The following MTIF2 variants were observed in gnomAD, a reference collection of about 807,000 sequenced individuals.
The protein encoded by MTIF2 is translation initiation factor IF-2, mitochondrial.
Under a neutral mutation model 83.5 loss-of-function variants are expected in MTIF2, and 71 were observed. The observed-to-expected ratio is 0.85, with a 90% CI of 0.70 to 1.04. MTIF2 has a LOEUF of 1.04. MTIF2 is among the 50% of genes least tolerant of loss of function. MTIF2 has a pLI of 0.00. For missense variants in MTIF2, 957 were observed against 846.5 expected (o/e 1.13, Z -1.62); for synonymous variants, 319 against 287.1 (o/e 1.11, Z -1.12).
Position 55,261,049 on chromosome 2 carries a change from C to T in MTIF2, c.331+1267G>A, listed in dbSNP as rs1024564047. Among the ~76,000 whole-genome samples the T allele has an allele frequency of 5.3e-5, 8 of 151,464 alleles. No individual in the cohort carries two copies. In the East Asian group the frequency reaches 1.6e-3, roughly 30 times the overall value. ...TCGTCCAGGGTAGAGTGCAGTGGCG[C>T]GATCTCGGCTCACTGCAAGCTCCGC... is the stretch of plus-strand genomic sequence containing the variant. On this transcript the variant is annotated intron_variant, in intron 5 of 15. Coordinates refer to ENST00000263629, the MANE Select transcript of MTIF2 (RefSeq NM_002453.3).
rs776497065 is a variant in MTIF2 at position 55,236,794 on chromosome 2, T to G, written c.2038A>C (p.Lys680Gln). The G allele has an allele frequency of 6.2e-7, 1 of 1,606,604 alleles. No homozygotes were observed. Among genetic ancestry groups the G allele is most frequent in the Non-Finnish European group, 8.5e-7 (1 of 1,178,202 alleles). ...KGSLTSLKHH[K>Q]DDISIVKTGM... ...GTTTTGACAATTGAAATGTCATCTT[T>G]ATGGTGTTTCAATGAGGTTAATGAG... The change falls in exon 16 of 16, where the codon AAA (lysine) becomes CAA (glutamine). Residue 680 changes from lysine to glutamine, a missense_variant. By Grantham distance (53) the Lys-to-Gln change is moderately conservative. This residue lies in a region of MTIF2 where 221 missense variants were observed against 180.6 expected (regional missense o/e 1.22). Coordinates refer to ENST00000263629, the MANE Select transcript of MTIF2 (RefSeq NM_002453.3).
Position 55,236,732 on chromosome 2 carries a change from ATTGTC to A in MTIF2, c.2095_2099del (p.Asp699TyrfsTer13), listed in dbSNP as rs750699822. 2.5e-6 allele frequency: 4 copies of A among 1,611,336 alleles called. No homozygotes were observed. The highest frequency in any genetic ancestry group is 3.4e-6 in the Non-Finnish European group (4 of 1,179,240). Reference sequence around the variant, plus strand: ...TTCTGTCTCCCACTTGAAATTCCATATTGTCTTCATCTAAACTGAGACCACAATCC... The same window carrying A: ...TTCTGTCTCCCACTTGAAATTCCATATTCATCTAAACTGAGACCACAATCC... On this transcript the variant is annotated frameshift_variant, in exon 16 of 16. Transcript: ENST00000263629. LOFTEE classifies it high-confidence loss of function.
intron 9 of MTIF2, among the ~76,000 whole-genome samples, chr2:55,247,799 T>A (rs1205183639): frequency 6.6e-6 from 1 of 152,166 alleles, no homozygotes; most frequent in Non-Finnish European, 1.5e-5. Flanking sequence ...CTTGGAATCA[T>A]CTCTGACACG....
In MTIF2 at chr2:55,236,646, T is replaced by A. The variant is rs774125334; in HGVS notation, c.*2A>T. 8.8e-6 allele frequency: 14 copies of A among 1,582,138 alleles called. No individual in the cohort carries two copies. In the East Asian group the frequency reaches 2.9e-4, roughly 33 times the overall value. On this transcript the variant is annotated 3_prime_UTR_variant, in exon 16 of 16. Transcript: ENST00000263629. Reference sequence around the variant, plus strand: ...TGAGTTATTTACATTTTTAATGTAATTTTAAAATCCTGGATCCCAAGAAGT... The same window carrying A: ...TGAGTTATTTACATTTTTAATGTAAATTTAAAATCCTGGATCCCAAGAAGT...
At position 55,252,546 on chromosome 2, in the gene MTIF2, C is replaced by G. The variant is rs1221864323; in HGVS notation, c.772G>C (p.Val258Leu). ...GAQVTDIVVLVVAADDGVMKQ... is the reference protein window; with the variant it reads ...GAQVTDIVVLLVAADDGVMKQ... Reference sequence around the variant, plus strand: ...ATCACTCCATCATCTGCAGCTACAACCAATACGACAATGTCAGTGACCTGA... The same window carrying G: ...ATCACTCCATCATCTGCAGCTACAAGCAATACGACAATGTCAGTGACCTGA... The change falls in exon 8 of 16, where the codon GTT becomes CTT. Residue 258 changes from valine (V) to leucine (L), a missense_variant. Val to Leu is a conservative substitution (Grantham distance 32). Transcript: ENST00000263629. 3 of 1,614,102 alleles carry G rather than the reference C, an allele frequency of 1.9e-6. No homozygotes were observed. Among genetic ancestry groups the G allele is most frequent in the East Asian group, 2.2e-5 (1 of 44,874 alleles).
In MTIF2 at chr2:55,236,697, T is replaced by TAACA; in HGVS notation, c.2131_2134dup (p.Tyr712LeufsTer3). 1 of 1,604,830 alleles carries TAACA rather than the reference T, an allele frequency of 6.2e-7. No homozygotes were observed. The highest frequency in any genetic ancestry group is 1.3e-5 in the African/African-American group (1 of 74,620). On this transcript the variant is annotated frameshift_variant, in exon 16 of 16. Coordinates refer to ENST00000263629, the MANE Select transcript of MTIF2 (RefSeq NM_002453.3). LOFTEE classifies it high-confidence loss of function. ...CTTGGCTTGAATTTGCTTTTCTTCA[T>TAACA]AACAAACAATTCTGTCTCCCACTTG... is the stretch of plus-strand genomic sequence containing the variant.
chr2:55,262,394 T>A lies in MTIF2; in HGVS notation c.253A>T (p.Thr85Ser). ...EGPWKSQLSS[T>S]KSKKVVEVWI... ...ACTTCTACCACCTTTTTAGATTTTG[T>A]TGAAGATAACTGAGATTTCCATGGT... is the stretch of plus-strand genomic sequence containing the variant. Residue 85 changes from threonine (T) to serine (S), a missense_variant, in exon 5 of 16, where the codon ACA (threonine) becomes TCA (serine). Thr to Ser is a moderately conservative substitution (Grantham distance 58). Transcript: ENST00000263629. 1 of 1,613,646 alleles carries A rather than the reference T, an allele frequency of 6.2e-7. No individual in the cohort carries two copies. The highest frequency in any genetic ancestry group is 8.5e-7 in the Non-Finnish European group (1 of 1,179,724).
Position 55,254,807 on chromosome 2 carries a change from A to G in MTIF2, c.350T>C (p.Leu117Ser), listed in dbSNP as rs1677387145. 2 of 1,595,040 alleles carry G rather than the reference A, an allele frequency of 1.3e-6. No individual in the cohort carries two copies. The highest frequency in any genetic ancestry group is 4.5e-5 in the East Asian group (2 of 44,096). Reference protein sequence around the residue: ...EKNTDYVYEALLNTDIDIDSL... With the variant: ...EKNTDYVYEASLNTDIDIDSL... ...ATCTATGTCAATATCAGTGTTCAATAAAGCTTCATATACATAATCTGATTG... is the reference window on the plus strand; with the variant it reads ...ATCTATGTCAATATCAGTGTTCAATGAAGCTTCATATACATAATCTGATTG... The change falls in exon 6 of 16, where the codon TTA becomes TCA. Residue 117 changes from leucine (L) to serine (S), a missense_variant. Coordinates refer to ENST00000263629, the MANE Select transcript of MTIF2 (RefSeq NM_002453.3).
chr2:55,239,866 A>G (rs1676169798), intron 14 of MTIF2, 145 bp downstream of exon 14: 1 of 644,932 alleles, frequency 1.6e-6, no homozygotes, highest in Non-Finnish European at 2.5e-6. Context: ...AGAAGTTACA[A>G]TGGATTCTCA....
intron 14 of MTIF2, among the ~76,000 whole-genome samples, chr2:55,237,675 G>C (rs1387354383): frequency 9.5e-6 from 1 of 104,788 alleles, no homozygotes; most frequent in Non-Finnish European, 1.8e-5. Flanking sequence ...TTTTGAGACA[G>C]AGTCTCACTC....
intron 14 of MTIF2, 98 bp downstream of exon 14, chr2:55,239,909 ATCTT>A (rs1676173338): frequency 9.7e-7 from 1 of 1,035,464 alleles, no homozygotes; most frequent in Admixed American, 2.9e-5. Context: ...CACAGGATAT[ATCTT>A]TCAACATTGA....
chr2:55,249,569 TGAC>T (rs146512603), intron 8 of MTIF2, 35 bp from the exon 9 acceptor site: 35,990 of 1,607,046 alleles, frequency 0.022, 495 homozygotes, highest in Middle Eastern at 0.051. Context: ...GTGAAAATGA[TGAC>T]ACCTTCAATT....
At chr2:55,261,788 A>G (rs527600810) in intron 5 of MTIF2, among the ~76,000 whole-genome samples, 1 of 151,850 alleles carries the variant, frequency 6.6e-6, no homozygotes, top group Admixed American at 6.6e-5. Flanking sequence ...AAAATAAAAA[A>G]TTAGCTGGGC....
At position 55,240,141 on chromosome 2, in the gene MTIF2, A is replaced by G; in HGVS notation, c.1740T>C (p.Asn580=). Residue 580 remains asparagine, a synonymous_variant, in exon 14 of 16, where the codon AAT becomes AAC. Coordinates refer to ENST00000263629, the MANE Select transcript of MTIF2 (RefSeq NM_002453.3). ...VIYGFNVNAG[N]VIQQSAAKKG... ...TTTTTGCAGCTGACTGTTGGATAACATTGCCTGCATTCACATTAAAGCCAT... is the reference window on the plus strand; with the variant it reads ...TTTTTGCAGCTGACTGTTGGATAACGTTGCCTGCATTCACATTAAAGCCAT... 6.2e-7 allele frequency: 1 copy of G among 1,613,974 alleles called. No individual in the cohort carries two copies. The highest frequency in any genetic ancestry group is 8.5e-7 in the Non-Finnish European group (1 of 1,179,894).
chr2:55,237,497 T>A, intron 14 of MTIF2, 69 bp from the exon 15 acceptor site: 1 of 1,467,670 alleles, frequency 6.8e-7, no homozygotes, highest in South Asian at 1.4e-5. Flanking sequence ...TTTCTGACAT[T>A]CTGTGGTATA....
chr2:55,253,641 C>G (rs1470461146), intron 7 of MTIF2, among the ~76,000 whole-genome samples: 1 of 152,056 alleles, frequency 6.6e-6, no homozygotes, highest in African/African-American at 2.4e-5. Context: ...ATGGGGAAAC[C>G]CTGTCTCAAC....
chr2:55,257,046 T>C (rs1462311188), intron 5 of MTIF2, among the ~76,000 whole-genome samples: 2 of 152,256 alleles, frequency 1.3e-5, no homozygotes. Context: ...TCTTTTTCAT[T>C]TTATTTAATG....
intron 14 of MTIF2, among the ~76,000 whole-genome samples, chr2:55,238,066 A>T (rs1419873530): frequency 6.6e-6 from 1 of 150,600 alleles, no homozygotes; most frequent in Non-Finnish European, 1.5e-5. Flanking sequence ...TTTAAAAAAA[A>T]TTTTTATAGA....
At chr2:55,265,058 C>T (rs1000297870) in intron 3 of MTIF2, among the ~76,000 whole-genome samples, 4 of 151,870 alleles carry the variant, frequency 2.6e-5, no homozygotes, top group Non-Finnish European at 4.4e-5. Context: ...GCCTGGCCAA[C>T]GTCGTGAAAC....
Sources: gnomAD v4.1 joint callset for allele counts (sites outside exome capture counted in the v4.1 genomes callset) on GRCh38, gnomAD v4.1.1 for gene constraint, gnomAD v4.1.1 regional missense constraint, MANE v1.5 for transcripts, NCBI Gene and HGNC (gene_info 2026-07-23, HGNC 2026-07-21) for gene names.